The following NUP153 variants were observed in gnomAD, a reference collection of about 807,000 sequenced individuals.
The protein encoded by NUP153 is nuclear pore complex protein Nup153.
NUP153 carries 27 observed loss-of-function variants against 134.6 expected under a neutral mutation model. The observed-to-expected ratio is 0.20, with a 90% CI of 0.15 to 0.28. The LOEUF is 0.28. Among genes scored for constraint, NUP153 ranks in the 10% least tolerant of loss-of-function variants. NUP153 has a pLI of 1.00. For missense variants in NUP153, 1,821 were observed against 1,731.3 expected (o/e 1.05, Z -0.92); for synonymous variants, 640 against 623.5 (o/e 1.03, Z -0.40).
intron 11 of NUP153, among the ~76,000 whole-genome samples, chr6:17,656,815 T>C (rs1454173352): frequency 6.6e-6 from 1 of 152,194 alleles, no homozygotes; most frequent in African/African-American, 2.4e-5. Flanking sequence ...CGTGCACAGT[T>C]GTCTCTTCAT....
rs766058864 is a variant in NUP153 at position 17,665,364 on chromosome 6, C to G, written c.1090G>C (p.Val364Leu). ...GGCTTTGGGGTCATAAGTCTCTGAA[C>G]AGGAGGATATTGAGAATCCACCTTA... is the stretch of plus-strand genomic sequence containing the variant. ...REKVDSQYPP[V>L]QRLMTPKPVS... Residue 364 changes from valine to leucine, a missense_variant, in exon 9 of 22, where the codon GTT becomes CTT. Val to Leu is a conservative substitution (Grantham distance 32, BLOSUM62 1). Transcript: ENST00000262077. 3.7e-6 allele frequency: 6 copies of G among 1,612,742 alleles called. No homozygotes were observed. The Admixed American group carries it at 6.7e-5, about 18-fold the overall frequency.
At chr6:17,618,210 A>G (rs1188048196) in intron 20 of NUP153, among the ~76,000 whole-genome samples, 1 of 152,218 alleles carries the variant, frequency 6.6e-6, no homozygotes, top group Admixed American at 6.5e-5. Context: ...AAACCAGATA[A>G]ATCTACAATG....
chr6:17,668,095 A>T lies in NUP153; in HGVS notation c.1068+880T>A, dbSNP rs1042026156. Among the ~76,000 whole-genome samples, 18 of 93,854 alleles carry T rather than the reference A, an allele frequency of 1.9e-4. 1 individual carries two copies. The highest frequency in any genetic ancestry group is 7.0e-4 in the African/African-American group (15 of 21,554). 61.6% of individuals were successfully genotyped at this position (93,854 alleles called of 152,430 possible). A position where few individuals can be genotyped will look rare whatever the true frequency, so the allele number is the denominator to read the frequency against. ...TTTTTTTTTTTTTTTTTTTTTTTTG[A>T]GATAGAGTCTCACTTTGTCTCCCAG... On this transcript the variant is annotated intron_variant, in intron 8 of 21. Transcript: ENST00000262077.
rs187253347 is a variant in NUP153 at position 17,671,816 on chromosome 6, T to C, written c.853-2270A>G. On this transcript the variant is annotated intron_variant, in intron 5 of 21. Coordinates refer to ENST00000262077, the MANE Select transcript of NUP153 (RefSeq NM_005124.4). ...TGAGGTCAGGAGTTCGAGACCAGCCTGGCCAACATGGTAAAACCCTGTCTC... is the reference window on the plus strand; with the variant it reads ...TGAGGTCAGGAGTTCGAGACCAGCCCGGCCAACATGGTAAAACCCTGTCTC... Among the ~76,000 whole-genome samples, 24 of 152,260 alleles carry C rather than the reference T, an allele frequency of 1.6e-4. No homozygotes were observed. In the East Asian group the frequency reaches 4.4e-3, roughly 28 times the overall value.
At chr6:17,671,452 C>T (rs1040429730) in intron 5 of NUP153, among the ~76,000 whole-genome samples, 4 of 152,168 alleles carry the variant, frequency 2.6e-5, no homozygotes, top group East Asian at 1.9e-4. Flanking sequence ...TTTGCTGGAA[C>T]GTATTTTAAA....
chr6:17,647,956 A>C (rs1231953665), intron 12 of NUP153, 51 bp from the exon 13 acceptor site: 1 of 1,154,478 alleles, frequency 8.7e-7, no homozygotes, highest in African/African-American at 1.5e-5. Flanking sequence ...TTTTAGAAAA[A>C]TAAAGTGACA....
rs1291236614 is a variant in NUP153, at chr6:17,658,703, G to A, written c.1395+2950C>T. Among the ~76,000 whole-genome samples, 3 of 152,290 alleles carry A rather than the reference G, an allele frequency of 2.0e-5. No individual in the cohort carries two copies. The East Asian group carries it at 5.8e-4, about 29-fold the overall frequency. On this transcript the variant is annotated intron_variant, in intron 11 of 21. Coordinates refer to ENST00000262077, the MANE Select transcript of NUP153 (RefSeq NM_005124.4). ...TAAGTGGGTGTCTCACAAGCTGAGT[G>A]AAAATTTAAAAAATTGTTTTGAAGT...
chr6:17,619,680 TA>T (rs1289982694), intron 20 of NUP153: 3 of 152,210 alleles, frequency 2.0e-5, no homozygotes, highest in African/African-American at 7.2e-5. Flanking sequence ...CAAACAAATG[TA>T]AAGACATCCT....
At chr6:17,659,196 G>A (rs1767020327) in intron 11 of NUP153, among the ~76,000 whole-genome samples, 1 of 152,180 alleles carries the variant, frequency 6.6e-6, no homozygotes, top group Admixed American at 6.5e-5. Context: ...AAAACTTTTT[G>A]CAGGGAAAAC....
intron 1 of NUP153, among the ~76,000 whole-genome samples, chr6:17,693,841 G>C (rs1000121392): frequency 6.6e-6 from 1 of 152,056 alleles, no homozygotes; most frequent in Non-Finnish European, 1.5e-5. Flanking sequence ...AGCTGAGATC[G>C]TGCCACTGCA....
intron 14 of NUP153, among the ~76,000 whole-genome samples, chr6:17,643,450 T>C (rs562399995): frequency 6.6e-6 from 1 of 152,208 alleles, no homozygotes; most frequent in East Asian, 1.9e-4. Context: ...CCAGCCTGGG[T>C]GACAGAATGT....
chr6:17,651,196 G>C (rs1359855775), intron 11 of NUP153, among the ~76,000 whole-genome samples: 3 of 152,074 alleles, frequency 2.0e-5, no homozygotes, highest in Non-Finnish European at 2.9e-5. Flanking sequence ...CCCAGTACCT[G>C]GGAGGCTGAG....
intron 2 of NUP153, among the ~76,000 whole-genome samples, chr6:17,678,228 C>T (rs528383527): frequency 4.6e-5 from 7 of 151,646 alleles, no homozygotes; most frequent in South Asian, 2.1e-4. Flanking sequence ...TGGTGGCACA[C>T]GCCTGTAATT....
chr6:17,668,896 T>C, intron 8 of NUP153, 79 bp downstream of exon 8: 1 of 972,680 alleles, frequency 1.0e-6, no homozygotes, highest in Admixed American at 2.5e-5. Context: ...CTAAACTAAA[T>C]CCAATTTGTA....
At chr6:17,623,874 A>AC (rs1172363978) in intron 20 of NUP153, among the ~76,000 whole-genome samples, 1 of 152,236 alleles carries the variant, frequency 6.6e-6, no homozygotes, top group Non-Finnish European at 1.5e-5. Flanking sequence ...AACAGTGATT[A>AC]CCATAAAAGA....
chr6:17,625,906 G>C lies in NUP153; in HGVS notation c.3803C>G (p.Thr1268Arg), dbSNP rs745446588. ...SKLATTSSTG[T>R]AVTPFVFGPG... ...ACCAAAGACAAATGGGGTGACAGCT[G>C]TACCTGTGCTGGATGTGGTTGCTAG... Residue 1268 changes from threonine to arginine, a missense_variant, in exon 19 of 22, where the codon ACA (threonine) becomes AGA (arginine). Transcript: ENST00000262077. The surrounding 1 kb of genome is among the most constrained non-coding windows in gnomAD (Gnocchi z 4.7). 1.7e-5 allele frequency: 27 copies of C among 1,614,114 alleles called. No individual in the cohort carries two copies. The highest frequency in any genetic ancestry group is 2.3e-5 in the Non-Finnish European group (27 of 1,180,054).
chr6:17,643,262 C>A lies in NUP153; in HGVS notation c.1720+2805G>T, dbSNP rs534060336. Among the ~76,000 whole-genome samples the A allele has an allele frequency of 9.2e-5, 14 of 152,330 alleles. No individual in the cohort carries two copies. The South Asian group carries it at 2.9e-3, about 32-fold the overall frequency. Reference sequence around the variant, plus strand: ...CCTAGGCGGCCAGATCACCTGAGGTCAGGAGTTCAAGACCAGCCTGGCAAC... The same window carrying A: ...CCTAGGCGGCCAGATCACCTGAGGTAAGGAGTTCAAGACCAGCCTGGCAAC... On this transcript the variant is annotated intron_variant, in intron 14 of 21. Coordinates refer to ENST00000262077, the MANE Select transcript of NUP153 (RefSeq NM_005124.4).
rs751869119 is a variant in NUP153, at chr6:17,632,624, CTTTATT to C, written c.2659+20_2659+25del. The C allele has an allele frequency of 1.1e-5, 18 of 1,565,324 alleles. No individual in the cohort carries two copies. The highest frequency in any genetic ancestry group is 1.7e-4 in the Middle Eastern group (1 of 5,814). On this transcript the variant is annotated intron_variant, in intron 17 of 21. Transcript: ENST00000262077. ...TTACAAAAAGGCGCTTTACCATCAC[CTTTATT>C]TTTATTTTTTTGGCCTTACCTTTAA...
chr6:17,706,279 G>C lies in NUP153; in HGVS notation c.109C>G (p.Gln37Glu). 2 of 1,612,034 alleles carry C rather than the reference G, an allele frequency of 1.2e-6. No homozygotes were observed. The highest frequency in any genetic ancestry group is 2.2e-5 in the East Asian group (1 of 44,836). ...ACCGCGGCGTCGGGGTCCCATACCTGATGCTGTTGTCGCCCCTGCTGGTAA... is the reference window on the plus strand; with the variant it reads ...ACCGCGGCGTCGGGGTCCCATACCTCATGCTGTTGTCGCCCCTGCTGGTAA... ...KPYQQGRQQH[Q>E]GILSRVTESV... Residue 37 changes from glutamine to glutamate, a missense_variant and splice_region_variant, in exon 1 of 22, where the codon CAG (glutamine) becomes GAG (glutamate). Transcript: ENST00000262077. The surrounding 1 kb of genome is among the most constrained non-coding windows in gnomAD (Gnocchi z 5.9).
Sources: gnomAD v4.1 joint callset for allele counts (sites outside exome capture counted in the v4.1 genomes callset) on GRCh38, gnomAD v4.1.1 for gene constraint, Gnocchi (gnomAD v3.1) non-coding constraint, MANE v1.5 for transcripts, NCBI Gene and HGNC (gene_info 2026-07-23, HGNC 2026-07-21) for gene names.